OXR1: variants seen among roughly 807,000 people sequenced by gnomAD.
OXR1 encodes the protein oxidation resistance 1, also known as oxidation resistance protein 1.
A neutral mutation model predicts 104.6 loss-of-function variants in OXR1; 41 were observed. The ratio of observed to expected loss-of-function variants is 0.39; its 90% CI spans 0.31 to 0.51. OXR1 has a LOEUF of 0.51. Among genes scored for constraint, OXR1 ranks in the 20% least tolerant of loss-of-function variants. OXR1 has a pLI of 0.77. For missense variants in OXR1, 955 were observed against 1,031.9 expected, an observed-to-expected ratio of 0.93 and a Z score of 1.02; for synonymous variants, 348 against 348.4, an observed-to-expected ratio of 1.00 and a Z score of 0.01.
At chr8:106,713,797 A>T in intron 10 of OXR1, 26 bp from the exon 11 acceptor site, 3 of 1,419,282 alleles carry the variant, frequency 2.1e-6, no homozygotes, top group Non-Finnish European at 2.8e-6. Context: ...AATACTAGGT[A>T]TATTAATAGT....
chr8:106,297,797 A>G (rs1381181140), intron 1 of OXR1, among the ~76,000 whole-genome samples: 1 of 152,192 alleles, frequency 6.6e-6, no homozygotes, highest in Non-Finnish European at 1.5e-5. Context: ...GTGTTTTCAA[A>G]CATGCACAAC....
intron 2 of OXR1, among the ~76,000 whole-genome samples, chr8:106,447,265 CATT>C (rs1820049244): frequency 6.6e-6 from 1 of 152,132 alleles, no homozygotes; most frequent in African/African-American, 2.4e-5. Context: ...CACAAGAAAT[CATT>C]AATCTACTTT....
chr8:106,500,613 C>G (rs528847292), intron 2 of OXR1, among the ~76,000 whole-genome samples: 4 of 152,310 alleles, frequency 2.6e-5, no homozygotes, highest in African/African-American at 9.6e-5. Flanking sequence ...GCCCTTCCTT[C>G]TACAACTTGG....
chr8:106,289,334 T>C (rs1191896380), intron 1 of OXR1, among the ~76,000 whole-genome samples: 1 of 152,168 alleles, frequency 6.6e-6, no homozygotes, highest in Non-Finnish European at 1.5e-5. Context: ...ACAAAATCAA[T>C]GTATAAAAAT....
intron 1 of OXR1, among the ~76,000 whole-genome samples, chr8:106,294,412 A>AAAAG (rs1554619229): frequency 0.016 from 2,077 of 131,240 alleles, 88 homozygotes; most frequent in Middle Eastern, 0.04. Flanking sequence ...AAAAAAAAAA[A>AAAAG]AAAGAAAGAA....
intron 2 of OXR1, among the ~76,000 whole-genome samples, chr8:106,401,365 C>T (rs192984222): frequency 3.3e-5 from 5 of 152,258 alleles, no homozygotes; most frequent in East Asian, 3.9e-4. Context: ...TCTAATTAAG[C>T]GTTCGGTGTC....
chr8:106,285,675 G>T (rs1812465522), intron 1 of OXR1, among the ~76,000 whole-genome samples: 1 of 151,982 alleles, frequency 6.6e-6, no homozygotes, highest in African/African-American at 2.4e-5. Context: ...TATTGATTCT[G>T]CATCGTGATG....
chr8:106,356,953 G>T (rs1343556200), intron 1 of OXR1, among the ~76,000 whole-genome samples: 1 of 152,056 alleles, frequency 6.6e-6, no homozygotes, highest in African/African-American at 2.4e-5. Flanking sequence ...GGCAACATTT[G>T]TGTGTTGGCA....
In OXR1 at chr8:106,346,621, A is replaced by G. The variant is rs566206778; in HGVS notation, c.-138-12855A>G. Among the ~76,000 whole-genome samples, 3 of 152,230 alleles carry G rather than the reference A, an allele frequency of 2.0e-5. No homozygotes were observed. The East Asian group carries it at 5.8e-4, about 29-fold the overall frequency. ...TTTTCACATCAGCATGAATATCTGAATTATTTTTCCATCCCTAATTCATTT... is the reference window on the plus strand; with the variant it reads ...TTTTCACATCAGCATGAATATCTGAGTTATTTTTCCATCCCTAATTCATTT... On this transcript the variant is annotated intron_variant, in intron 1 of 16. Coordinates refer to ENST00000517566, the MANE Select transcript of OXR1 (RefSeq NM_001198533.2).
chr8:106,723,874 C>T (rs977564880), intron 11 of OXR1, among the ~76,000 whole-genome samples: 24 of 151,998 alleles, frequency 1.6e-4, no homozygotes, highest in South Asian at 6.2e-4. Context: ...ACTGCATCCT[C>T]GAACTCCTGG....
At position 106,387,246 on chromosome 8, in the gene OXR1, A is replaced by T. The variant is rs1817413604; in HGVS notation, c.23+27610A>T. Among the ~76,000 whole-genome samples the T allele has an allele frequency of 2.0e-5, 3 of 152,228 alleles. 1 individual carries two copies. Among genetic ancestry groups the T allele is most frequent in the Admixed American group, 2.0e-4 (3 of 15,278 alleles). On this transcript the variant is annotated intron_variant, in intron 2 of 16. Transcript: ENST00000517566. ...ATTCCAAATACAATGTTGGAAAAAG[A>T]TTGCAAATATCAGGGAATGCAGGTT...
chr8:106,291,737 T>C (rs563749682), intron 1 of OXR1, among the ~76,000 whole-genome samples: 2 of 152,290 alleles, frequency 1.3e-5, no homozygotes, highest in East Asian at 1.9e-4. Flanking sequence ...GGAGGTTTAA[T>C]AGACACAGTT....
At chr8:106,581,650 A>G (rs1429721108) in intron 3 of OXR1, among the ~76,000 whole-genome samples, 1 of 152,138 alleles carries the variant, frequency 6.6e-6, no homozygotes, top group African/African-American at 2.4e-5. Flanking sequence ...AATAAAATGA[A>G]CTTCTAATAC....
chr8:106,332,990 T>A (rs1480623426), intron 1 of OXR1, among the ~76,000 whole-genome samples: 1 of 152,186 alleles, frequency 6.6e-6, no homozygotes, highest in Admixed American at 6.5e-5. Flanking sequence ...TTCTGCTTTA[T>A]GATTGAATAA....
At chr8:106,373,243 A>G (rs1816779309) in intron 2 of OXR1, among the ~76,000 whole-genome samples, 1 of 152,204 alleles carries the variant, frequency 6.6e-6, no homozygotes, top group Admixed American at 6.5e-5. Flanking sequence ...CTTCATAGAT[A>G]CTAAGGGATG....
chr8:106,400,671 G>A (rs1444789848), intron 2 of OXR1, among the ~76,000 whole-genome samples: 1 of 152,076 alleles, frequency 6.6e-6, no homozygotes, highest in Non-Finnish European at 1.5e-5. Context: ...TTTAGACTGG[G>A]AAAATAAATA....
chr8:106,457,355 G>C (rs1302219057), intron 2 of OXR1, among the ~76,000 whole-genome samples: 1 of 151,980 alleles, frequency 6.6e-6, no homozygotes, highest in Non-Finnish European at 1.5e-5. Context: ...CAAGTTGCTG[G>C]CACCTTGATA....
intron 2 of OXR1, among the ~76,000 whole-genome samples, chr8:106,391,924 A>T (rs1180750069): frequency 6.6e-6 from 1 of 152,182 alleles, no homozygotes. Flanking sequence ...GCACTGCCCC[A>T]GAGAATTAGG....
chr8:106,702,784 A>G (rs992172808), intron 7 of OXR1, 122 bp from the exon 8 acceptor site: 1 of 680,944 alleles, frequency 1.5e-6, no homozygotes, highest in Non-Finnish European at 2.3e-6. Context: ...AGAATGCCAC[A>G]GTTCCTGAGT....
Sources: gnomAD v4.1 joint callset for allele counts (sites outside exome capture counted in the v4.1 genomes callset) on GRCh38, gnomAD v4.1.1 for gene constraint, MANE v1.5 for transcripts, NCBI Gene and HGNC (gene_info 2026-07-23, HGNC 2026-07-21) for gene names.